LDLRAD4: variants seen among roughly 807,000 people sequenced by gnomAD.
LDLRAD4 encodes low-density lipoprotein receptor class A domain-containing protein 4.
In LDLRAD4, 5 loss-of-function variants were observed where a neutral mutation model predicts 17.0. The observed-to-expected ratio is 0.29, with a 90% CI of 0.15 to 0.62. The LOEUF is 0.62. Among genes scored for constraint, LDLRAD4 ranks in the 20% least tolerant of loss-of-function variants. LDLRAD4 has a pLI of 0.84. For synonymous variants in LDLRAD4, 168 were observed against 171.8 expected (o/e 0.98, Z 0.17); for missense variants, 340 against 424.7 (o/e 0.80, Z 1.75).
intron 1 of LDLRAD4, 81 bp downstream of exon 1, chr18:13,219,069 CTTTT>C (rs5823242): frequency 2.2e-5 from 3 of 137,174 alleles, no homozygotes; most frequent in Non-Finnish European, 4.7e-5. Context: ...CTTGTTTAAA[CTTTT>C]TTTTTTTTTT....
At chr18:13,553,172 T>C (rs139051360) in intron 3 of LDLRAD4, among the ~76,000 whole-genome samples, 15 of 152,374 alleles carry the variant, frequency 9.8e-5, no homozygotes, top group Admixed American at 2.6e-4. Context: ...TAAAGACTTA[T>C]AGCTTGTGAT....
At position 13,415,185 on chromosome 18, in the gene LDLRAD4, C is replaced by G. The variant is rs923622945; in HGVS notation, c.41-23059C>G. Among the ~76,000 whole-genome samples, 4 of 152,170 alleles carry G rather than the reference C, an allele frequency of 2.6e-5. No individual in the cohort carries two copies. In the South Asian group the frequency reaches 8.3e-4, roughly 32 times the overall value. ...GAATAATACAACACAGGGCCCTGAG[C>G]CCCAGAAATGCTGGCTTATTCCTCT... On this transcript the variant is annotated intron_variant, in intron 2 of 5. Coordinates refer to ENST00000359446, the Ensembl canonical transcript of LDLRAD4.
chr18:13,261,751 G>C (rs1308778439), intron 1 of LDLRAD4, among the ~76,000 whole-genome samples: 1 of 152,210 alleles, frequency 6.6e-6, no homozygotes, highest in African/African-American at 2.4e-5. Context: ...GACTGCCCAA[G>C]AGTTATGGCT....
At chr18:13,607,148 G>T (rs1951054286) in intron 3 of LDLRAD4, among the ~76,000 whole-genome samples, 1 of 152,188 alleles carries the variant, frequency 6.6e-6, no homozygotes, top group African/African-American at 2.4e-5. Flanking sequence ...TGAGTGGGTG[G>T]CCGGATGGGA....
intron 1 of LDLRAD4, among the ~76,000 whole-genome samples, chr18:13,302,095 T>C (rs1325901822): frequency 6.6e-6 from 1 of 152,252 alleles, no homozygotes; most frequent in African/African-American, 2.4e-5. Flanking sequence ...GCTGTAGTTA[T>C]TTTAACAACA....
intron 3 of LDLRAD4, among the ~76,000 whole-genome samples, chr18:13,477,283 A>G (rs1000982697): frequency 2.0e-5 from 3 of 152,140 alleles, no homozygotes; most frequent in Admixed American, 6.5e-5. Flanking sequence ...GCGTTTGTTG[A>G]TGGAACCATG....
At chr18:13,499,393 ACTTCC>A (rs2093568808) in intron 3 of LDLRAD4, among the ~76,000 whole-genome samples, 4 of 136,422 alleles carry the variant, frequency 2.9e-5, no homozygotes, top group Admixed American at 2.2e-4. Flanking sequence ...CTCGCCACAC[ACTTCC>A]CACCATGGAC....
At chr18:13,575,836 T>C (rs896735563) in intron 3 of LDLRAD4, among the ~76,000 whole-genome samples, 3 of 152,238 alleles carry the variant, frequency 2.0e-5, no homozygotes, top group African/African-American at 7.2e-5. Flanking sequence ...ATGTTGAGCA[T>C]TTTTTCCTAT....
chr18:13,333,258 GTTGT>G (rs933754160), intron 1 of LDLRAD4, among the ~76,000 whole-genome samples: 6 of 152,248 alleles, frequency 3.9e-5, no homozygotes, highest in Middle Eastern at 3.4e-3. Flanking sequence ...TTTAAATTGG[GTTGT>G]TTGTTTTCTT....
intron 3 of LDLRAD4, among the ~76,000 whole-genome samples, chr18:13,485,329 G>A (rs1224637524): frequency 1.3e-5 from 2 of 152,216 alleles, no homozygotes; most frequent in African/African-American, 4.8e-5. Flanking sequence ...CACGGAGTTG[G>A]GAGCCAGGAA....
intron 1 of LDLRAD4, among the ~76,000 whole-genome samples, chr18:13,252,953 A>C (rs1356390819): frequency 1.3e-5 from 2 of 152,156 alleles, no homozygotes; most frequent in Non-Finnish European, 2.9e-5. Flanking sequence ...CTGTACCACG[A>C]GGCTTCTGTG....
chr18:13,414,901 G>A (rs2145754253), intron 2 of LDLRAD4, among the ~76,000 whole-genome samples: 1 of 152,322 alleles, frequency 6.6e-6, no homozygotes. Flanking sequence ...TGTTTTTTGG[G>A]CAACCACTCT....
rs1042253434 is a variant in LDLRAD4 at position 13,537,072 on chromosome 18, G to C, written c.182-84045G>C. Among the ~76,000 whole-genome samples the C allele has an allele frequency of 2.0e-5, 3 of 152,070 alleles. No homozygotes were observed. The South Asian group carries it at 6.2e-4, about 32-fold the overall frequency. ...GCATCTGGCTTCATTAGAGATATTG[G>C]TCTGTTGTCTTCTCTTTCTTATGAT... is the stretch of plus-strand genomic sequence containing the variant. On this transcript the variant is annotated intron_variant, in intron 3 of 5. Coordinates refer to ENST00000359446, the Ensembl canonical transcript of LDLRAD4.
At chr18:13,492,679 A>G (rs1173856127) in intron 3 of LDLRAD4, among the ~76,000 whole-genome samples, 1 of 152,208 alleles carries the variant, frequency 6.6e-6, no homozygotes, top group Non-Finnish European at 1.5e-5. Flanking sequence ...GAGAAATGGT[A>G]GCTGCTCAGA....
At chr18:13,593,931 A>C (rs1568382655) in intron 3 of LDLRAD4, among the ~76,000 whole-genome samples, 1 of 152,156 alleles carries the variant, frequency 6.6e-6, no homozygotes, top group East Asian at 1.9e-4. Context: ...AGTACCTGGG[A>C]GTACAAGTGC....
At chr18:13,251,025 A>C (rs2043199855) in intron 1 of LDLRAD4, among the ~76,000 whole-genome samples, 1 of 152,244 alleles carries the variant, frequency 6.6e-6, no homozygotes, top group Non-Finnish European at 1.5e-5. Flanking sequence ...AAGCTAGTAC[A>C]TGATGATTGA....
intron 3 of LDLRAD4, among the ~76,000 whole-genome samples, chr18:13,544,563 T>C (rs2094332492): frequency 6.6e-6 from 1 of 152,204 alleles, no homozygotes; most frequent in African/African-American, 2.4e-5. Context: ...GTGACTGCTG[T>C]GGATGGCAGC....
At chr18:13,485,839 A>G (rs573735572) in intron 3 of LDLRAD4, among the ~76,000 whole-genome samples, 1 of 152,314 alleles carries the variant, frequency 6.6e-6, no homozygotes, top group African/African-American at 2.4e-5. Flanking sequence ...TGATCACGCC[A>G]CCACACTCCA....
chr18:13,385,726 A>G (rs2085750263), intron 1 of LDLRAD4, among the ~76,000 whole-genome samples: 1 of 152,226 alleles, frequency 6.6e-6, no homozygotes, highest in South Asian at 2.1e-4. Flanking sequence ...TCATGATGCT[A>G]GTGCAACTAG....
Sources: gnomAD v4.1 joint callset for allele counts (sites outside exome capture counted in the v4.1 genomes callset) on GRCh38, gnomAD v4.1.1 for gene constraint, MANE v1.5 for transcripts, NCBI Gene and HGNC (gene_info 2026-07-23, HGNC 2026-07-21) for gene names.